Variants in GRB2 observed in about 807,000 individuals in gnomAD.
GRB2 encodes growth factor receptor bound protein 2, also known as growth factor receptor-bound protein 2.
GRB2 carries 2 observed loss-of-function variants against 27.4 expected under a neutral mutation model. The observed-to-expected ratio is 0.07, with a 90% CI of 0.03 to 0.23. The LOEUF (loss-of-function observed/expected upper bound fraction) is 0.23, where lower values mean the gene tolerates loss of function less well. GRB2 is among the 10% of genes least tolerant of loss of function. The pLI, the probability that GRB2 is intolerant of heterozygous loss-of-function variation, is 1.00. For synonymous variants in GRB2, 94 were observed against 99.6 expected (o/e 0.94, Z 0.33); for missense variants, 102 against 282.4 (o/e 0.36, Z 4.58).
rs138918530 is a variant in GRB2 at position 75,341,931 on chromosome 17, A to T, written c.79-9134T>A. 7.6e-3 allele frequency among the ~76,000 whole-genome samples: 1,156 copies of T among 152,280 alleles called. 8 individuals carry two copies. The highest frequency in any genetic ancestry group is 0.026 in the African/African-American group (1,074 of 41,568). ...AATATAGTCTGGCATTCCAGTTTTC[A>T]TAATTTGGCCATCATCGACTCTCTG... On this transcript the variant is annotated intron_variant, in intron 2 of 5. Coordinates refer to ENST00000316804, the MANE Select transcript of GRB2 (RefSeq NM_002086.5).
At chr17:75,349,191 T>C (rs1266377064) in intron 2 of GRB2, among the ~76,000 whole-genome samples, 2 of 152,162 alleles carry the variant, frequency 1.3e-5, no homozygotes, top group African/African-American at 4.8e-5. Flanking sequence ...TCTTGTTTAA[T>C]CCTACTGTCC....
chr17:75,383,756 C>A (rs771750606), intron 2 of GRB2, among the ~76,000 whole-genome samples: 1 of 152,076 alleles, frequency 6.6e-6, no homozygotes, highest in Non-Finnish European at 1.5e-5. Flanking sequence ...GCAGAAGATT[C>A]GCTTGAACCC....
intron 5 of GRB2, 68 bp downstream of exon 5, chr17:75,321,591 T>G: frequency 3.4e-6 from 5 of 1,476,610 alleles, no homozygotes; most frequent in Non-Finnish European, 4.7e-6. Context: ...TCCCCTTTCC[T>G]ACAGGAATGC....
chr17:75,377,120 T>C (rs1411096426), intron 2 of GRB2, among the ~76,000 whole-genome samples: 2 of 151,624 alleles, frequency 1.3e-5, no homozygotes, highest in East Asian at 1.9e-4. Context: ...CTGGGCAACA[T>C]AGTGACCCCC....
At chr17:75,352,575 C>T (rs192297801) in intron 2 of GRB2, among the ~76,000 whole-genome samples, 19 of 152,284 alleles carry the variant, frequency 1.2e-4, no homozygotes, top group African/African-American at 3.8e-4. Context: ...CAGGCATAAA[C>T]GGTTCATTCT....
intron 2 of GRB2, among the ~76,000 whole-genome samples, chr17:75,366,517 C>T (rs1018641718): frequency 2.3e-5 from 2 of 88,420 alleles, no homozygotes; most frequent in Admixed American, 1.2e-4. Flanking sequence ...AAAAAAAAAA[C>T]GGCCAGCTGC....
chr17:75,340,106 C>T (rs2078610808), intron 2 of GRB2, among the ~76,000 whole-genome samples: 1 of 152,068 alleles, frequency 6.6e-6, no homozygotes, highest in African/African-American at 2.4e-5. Flanking sequence ...AAGAAATAGG[C>T]TGTACAGTTA....
At chr17:75,391,392 AAAG>A (rs1396692184) in intron 2 of GRB2, among the ~76,000 whole-genome samples, 1 of 152,192 alleles carries the variant, frequency 6.6e-6, no homozygotes, top group Non-Finnish European at 1.5e-5. Context: ...ATAGGATGGG[AAAG>A]AAGGTTTTTA....
At chr17:75,333,146 G>C (rs956689836) in intron 2 of GRB2, among the ~76,000 whole-genome samples, 15 of 152,088 alleles carry the variant, frequency 9.9e-5, no homozygotes, top group Non-Finnish European at 1.8e-4. Context: ...CGCGATCTTG[G>C]CTCACTGCAA....
In GRB2 at chr17:75,399,109, G is replaced by A. The variant is rs565097799; in HGVS notation, c.-137-5344C>T. Among the ~76,000 whole-genome samples, 3 of 152,076 alleles carry A rather than the reference G, an allele frequency of 2.0e-5. No individual in the cohort carries two copies. In the South Asian group the frequency reaches 6.2e-4, roughly 32 times the overall value. On this transcript the variant is annotated intron_variant, in intron 1 of 5. Transcript: ENST00000316804. ...ATTGCCCAGGCTGAAGTGCAGTGGA[G>A]CAATCATGGTTCACTTCAGCCTCAA...
chr17:75,378,579 A>G (rs923212146), intron 2 of GRB2, among the ~76,000 whole-genome samples: 1 of 152,210 alleles, frequency 6.6e-6, no homozygotes, highest in Non-Finnish European at 1.5e-5. Flanking sequence ...ACAAACTCAT[A>G]GCTAAATATG....
At chr17:75,321,280 A>C (rs1364244172) in intron 5 of GRB2, among the ~76,000 whole-genome samples, 1 of 149,786 alleles carries the variant, frequency 6.7e-6, no homozygotes, top group East Asian at 1.9e-4. Context: ...GGGTTCAAGC[A>C]ATTTTTCCAT....
chr17:75,321,107 C>T (rs1334088717), intron 5 of GRB2, among the ~76,000 whole-genome samples: 1 of 151,080 alleles, frequency 6.6e-6, no homozygotes, highest in Non-Finnish European at 1.5e-5. Flanking sequence ...CCTAGAGAGG[C>T]TGGCAAGCTG....
intron 3 of GRB2, among the ~76,000 whole-genome samples, chr17:75,332,220 A>G (rs910102005): frequency 5.3e-5 from 8 of 152,210 alleles, no homozygotes; most frequent in African/African-American, 1.7e-4. Context: ...GGAGGACAGC[A>G]TATTTTGTTC....
rs911098430 is a variant in GRB2, at chr17:75,393,706, G to T, written c.-78C>A. The stretch of plus-strand genomic sequence containing the variant: ...CCTGCTGAAGCAACCCAGCGCTCTG[G>T]GCTTAGCCTCGCCTCTCTTCTGGGA... On this transcript the variant is annotated 5_prime_UTR_variant, in exon 2 of 6. Coordinates refer to ENST00000316804, the MANE Select transcript of GRB2 (RefSeq NM_002086.5). 4 of 1,150,312 alleles carry T rather than the reference G, an allele frequency of 3.5e-6. No homozygotes were observed. The Admixed American group carries it at 7.1e-5, about 20-fold the overall frequency. 71.3% of individuals were successfully genotyped at this position (1,150,312 alleles called of 1,614,324 possible).
intron 2 of GRB2, among the ~76,000 whole-genome samples, chr17:75,368,097 TAG>T (rs1387856054): frequency 1.3e-5 from 2 of 152,130 alleles, no homozygotes; most frequent in African/African-American, 2.4e-5. Flanking sequence ...GTACTTTTTG[TAG>T]AGACGGAGTT....
chr17:75,322,691 T>G (rs1025311813), intron 4 of GRB2, among the ~76,000 whole-genome samples: 2 of 152,142 alleles, frequency 1.3e-5, no homozygotes, highest in Non-Finnish European at 2.9e-5. Context: ...GATCACACCC[T>G]TTTATACTGG....
At chr17:75,394,284 C>T (rs1305584536) in intron 1 of GRB2, 1 of 152,426 alleles carries the variant, frequency 6.6e-6, no homozygotes, top group Non-Finnish European at 1.5e-5. Flanking sequence ...TGGTCTCGAG[C>T]TGCTGCACTC....
At chr17:75,359,998 C>CA (rs1360301815) in intron 2 of GRB2, among the ~76,000 whole-genome samples, 2 of 147,104 alleles carry the variant, frequency 1.4e-5, no homozygotes, top group African/African-American at 2.5e-5. Flanking sequence ...AAAAAAAAGA[C>CA]AGACTGGGCA....
Sources: gnomAD v4.1 joint callset for allele counts (sites outside exome capture counted in the v4.1 genomes callset) on GRCh38, gnomAD v4.1.1 for gene constraint, MANE v1.5 for transcripts, NCBI Gene and HGNC (gene_info 2026-07-23, HGNC 2026-07-21) for gene names.